CTDSPL: variants seen among roughly 807,000 people sequenced by gnomAD.
CTDSPL encodes CTD small phosphatase like, also known as CTD small phosphatase-like protein.
Under a neutral mutation model 30.5 loss-of-function variants are expected in CTDSPL, and 8 were observed. That is an observed-to-expected ratio of 0.26 (90% CI 0.15 to 0.47). The LOEUF (loss-of-function observed/expected upper bound fraction) is 0.47, where lower values mean the gene tolerates loss of function less well. CTDSPL is among the 20% of genes least tolerant of loss of function. CTDSPL has a pLI of 0.99. For missense variants in CTDSPL, 248 were observed against 366.1 expected (o/e 0.68, Z 2.63); for synonymous variants, 110 against 137.9 (o/e 0.80, Z 1.42).
chr3:37,868,306 A>G (rs1173393543), intron 1 of CTDSPL, among the ~76,000 whole-genome samples: 1 of 151,986 alleles, frequency 6.6e-6, no homozygotes, highest in Non-Finnish European at 1.5e-5. Flanking sequence ...TATATATTAT[A>G]GATATTAGTC....
chr3:37,914,505 A>G (rs1334114049), intron 1 of CTDSPL, among the ~76,000 whole-genome samples: 1 of 152,214 alleles, frequency 6.6e-6, no homozygotes, highest in Non-Finnish European at 1.5e-5. Context: ...GGAAGGTCCT[A>G]TCTAGTCTTA....
intron 1 of CTDSPL, among the ~76,000 whole-genome samples, chr3:37,929,093 C>G (rs1698819609): frequency 6.6e-6 from 1 of 152,132 alleles, no homozygotes; most frequent in African/African-American, 2.4e-5. Context: ...ACCGTACATG[C>G]ATAGGTTTAT....
rs1009510237 is a variant in CTDSPL, at chr3:37,862,744, G to C, written c.79+466G>C. Among the ~76,000 whole-genome samples the C allele has an allele frequency of 6.6e-6, 1 of 152,180 alleles. No homozygotes were observed. Among genetic ancestry groups the C allele is most frequent in the Non-Finnish European group, 1.5e-5 (1 of 68,036 alleles). ...TTTTTTCCTGACAGGCTGTGAGTTT[G>C]TGTTGTGTGTATTAGAGGTTTGTAT... On this transcript the variant is annotated intron_variant, in intron 1 of 7. Coordinates refer to ENST00000273179, the MANE Select transcript of CTDSPL (RefSeq NM_001008392.2). The surrounding 1 kb of genome is among the most constrained non-coding windows in gnomAD (Gnocchi z 4.3).
intron 6 of CTDSPL, among the ~76,000 whole-genome samples, chr3:37,973,440 C>T (rs544320242): frequency 3.5e-4 from 54 of 152,372 alleles, no homozygotes; most frequent in Non-Finnish European, 4.6e-4. Flanking sequence ...GGATGGCTCC[C>T]ACCTGCCCCA....
intron 1 of CTDSPL, among the ~76,000 whole-genome samples, chr3:37,872,862 C>T (rs563302262): frequency 1.3e-5 from 2 of 152,142 alleles, no homozygotes; most frequent in East Asian, 1.9e-4. Context: ...CATGAGCCAC[C>T]GTGCCCAGCC....
In CTDSPL at chr3:37,981,775, G is replaced by A. The variant is rs184162511; in HGVS notation, c.*908G>A. 3 of 455,732 alleles carry A rather than the reference G, an allele frequency of 6.6e-6. No homozygotes were observed. The highest frequency in any genetic ancestry group is 4.0e-5 in the African/African-American group (2 of 50,128). 28.2% of individuals were successfully genotyped at this position (455,732 alleles called of 1,614,324 possible). On this transcript the variant is annotated 3_prime_UTR_variant, in exon 8 of 8. Coordinates refer to ENST00000273179, the MANE Select transcript of CTDSPL (RefSeq NM_001008392.2). ...GTTACAAGAAACCCTAAAACCCTTGGATATAAAAGAAATCTGTTTATTGAT... is the reference window on the plus strand; with the variant it reads ...GTTACAAGAAACCCTAAAACCCTTGAATATAAAAGAAATCTGTTTATTGAT...
At chr3:37,903,848 G>A (rs970676474) in intron 1 of CTDSPL, among the ~76,000 whole-genome samples, 1 of 152,218 alleles carries the variant, frequency 6.6e-6, no homozygotes, top group Non-Finnish European at 1.5e-5. Context: ...GTCAGGACAG[G>A]GTTCCTGCCA....
rs1190894295 is a variant in CTDSPL at position 37,982,654 on chromosome 3, A to C, written c.*1787A>C. ...ATATTCAGAAGGGAAGTAAGTATTC[A>C]GGGGGTAAACAGGTCTCCCAGCATT... On this transcript the variant is annotated 3_prime_UTR_variant, in exon 8 of 8. Coordinates refer to ENST00000273179, the MANE Select transcript of CTDSPL (RefSeq NM_001008392.2). The C allele has an allele frequency of 2.2e-6, 1 of 455,078 alleles. No individual in the cohort carries two copies. The highest frequency in any genetic ancestry group is 6.9e-5 in the East Asian group (1 of 14,400). The allele number at this position is 455,078 out of a possible 1,614,324, so 28.2% of individuals were successfully genotyped here.
intron 1 of CTDSPL, among the ~76,000 whole-genome samples, chr3:37,871,521 A>G (rs1256597891): frequency 1.3e-5 from 2 of 152,184 alleles, no homozygotes; most frequent in Non-Finnish European, 2.9e-5. Context: ...GTTGTTTTGT[A>G]AGAAACTGCC....
At chr3:37,926,857 G>A (rs556560210) in intron 1 of CTDSPL, among the ~76,000 whole-genome samples, 10 of 152,294 alleles carry the variant, frequency 6.6e-5, no homozygotes, top group Middle Eastern at 3.4e-3. Flanking sequence ...AGTCCAGAGC[G>A]GGTGGGAAAG....
chr3:37,904,157 C>G (rs533298200), intron 1 of CTDSPL, among the ~76,000 whole-genome samples: 2 of 150,948 alleles, frequency 1.3e-5, no homozygotes, highest in East Asian at 3.9e-4. Flanking sequence ...GCCAGCAGAA[C>G]AGAGCAGCCT....
intron 1 of CTDSPL, among the ~76,000 whole-genome samples, chr3:37,936,507 A>T (rs1405576230): frequency 6.6e-6 from 1 of 152,086 alleles, no homozygotes; most frequent in East Asian, 1.9e-4. Context: ...ATGTATGCAT[A>T]GACTGCCCAG....
chr3:37,974,177 C>A (rs537616742), intron 6 of CTDSPL, among the ~76,000 whole-genome samples: 1 of 152,228 alleles, frequency 6.6e-6, no homozygotes, highest in Non-Finnish European at 1.5e-5. Context: ...CAGTTGCCTA[C>A]AACCCACCCA....
intron 1 of CTDSPL, among the ~76,000 whole-genome samples, chr3:37,864,732 A>T (rs1351093190): frequency 6.6e-6 from 1 of 151,932 alleles, no homozygotes; most frequent in South Asian, 2.1e-4. Flanking sequence ...TGTAAAATAC[A>T]TTTTTACATA....
At chr3:37,957,175 A>G in intron 3 of CTDSPL, 32 bp downstream of exon 3, 3 of 1,478,060 alleles carry the variant, frequency 2.0e-6, no homozygotes, top group Non-Finnish European at 2.8e-6. Flanking sequence ...TATTTATTAA[A>G]ACAGTCATAA....
intron 1 of CTDSPL, among the ~76,000 whole-genome samples, chr3:37,919,019 G>T (rs1698681695): frequency 6.6e-6 from 1 of 152,134 alleles, no homozygotes; most frequent in African/African-American, 2.4e-5. Context: ...CTGTGTAATA[G>T]TGGTTGTTAA....
intron 6 of CTDSPL, among the ~76,000 whole-genome samples, chr3:37,972,017 T>G (rs1404731406): frequency 6.6e-6 from 1 of 152,182 alleles, no homozygotes; most frequent in Non-Finnish European, 1.5e-5. Context: ...CTTCTATAAA[T>G]TGGGGATAAT....
chr3:37,899,803 A>G (rs1698428873), intron 1 of CTDSPL, among the ~76,000 whole-genome samples: 2 of 152,208 alleles, frequency 1.3e-5, no homozygotes, highest in Admixed American at 1.3e-4. Context: ...TGTTAAAAGA[A>G]TGGGCTCTGT....
At position 37,947,066 on chromosome 3, in the gene CTDSPL, G is replaced by A; in HGVS notation, c.89G>A (p.Cys30Tyr). ...CTGTTTCTGTTTCCAGCCTCCCAGTGCAACGTCAGCTTAAAGAAGCAGAGG... is the reference window on the plus strand; with the variant it reads ...CTGTTTCTGTTTCCAGCCTCCCAGTACAACGTCAGCTTAAAGAAGCAGAGG... ...LPGAGEKASQ[C>Y]NVSLKKQRSR... The change falls in exon 2 of 8, where the codon TGC becomes TAC. Residue 30 changes from cysteine (C) to tyrosine (Y), a missense_variant. Cys to Tyr is a radical substitution (Grantham distance 194). Around this residue, in one of 4 missense-constraint regions of CTDSPL, gnomAD observed 118 missense variants for 124.7 expected, o/e 0.95. Coordinates refer to ENST00000273179, the MANE Select transcript of CTDSPL (RefSeq NM_001008392.2). The A allele has an allele frequency of 6.2e-7, 1 of 1,613,504 alleles. No individual in the cohort carries two copies. Among genetic ancestry groups the A allele is most frequent in the Middle Eastern group, 1.7e-4 (1 of 5,986 alleles).
Sources: allele counts gnomAD v4.1 joint callset (sites outside exome capture counted in the v4.1 genomes callset), GRCh38; gene constraint gnomAD v4.1.1; regional missense constraint gnomAD v4.1.1; non-coding constraint Gnocchi (gnomAD v3.1); transcripts MANE v1.5; gene names NCBI Gene and HGNC (gene_info 2026-07-23, HGNC 2026-07-21).